The following MGAT5 variants were observed in gnomAD, a reference collection of about 807,000 sequenced individuals.
MGAT5 encodes the protein alpha-1,6-mannosylglycoprotein 6-beta-N-acetylglucosaminyltransferase.
MGAT5 carries 30 observed loss-of-function variants against 94.3 expected under a neutral mutation model. The ratio of observed to expected loss-of-function variants is 0.32; its 90% CI spans 0.24 to 0.43. The LOEUF is 0.43. Ranked by LOEUF, MGAT5 falls within the 20% of genes least tolerant of loss-of-function variation. The pLI is 1.00. For synonymous variants in MGAT5, 310 were observed against 322.9 expected, an observed-to-expected ratio of 0.96 and a Z score of 0.43; for missense variants, 691 against 905.5, an observed-to-expected ratio of 0.76 and a Z score of 3.04.
intron 10 of MGAT5, among the ~76,000 whole-genome samples, chr2:134,364,183 A>C (rs1161308249): frequency 6.6e-6 from 1 of 152,204 alleles, no homozygotes; most frequent in Admixed American, 6.5e-5. Context: ...ATTGCCACTA[A>C]AAGGGTGACT....
intron 8 of MGAT5, among the ~76,000 whole-genome samples, chr2:134,345,833 G>C (rs1329893066): frequency 6.6e-6 from 1 of 152,080 alleles, no homozygotes; most frequent in Non-Finnish European, 1.5e-5. Context: ...GCAGGCAAAA[G>C]TATCTATTCT....
chr2:134,260,490 A>C (rs1683253664), intron 1 of MGAT5, among the ~76,000 whole-genome samples: 2 of 152,212 alleles, frequency 1.3e-5, no homozygotes, highest in South Asian at 4.1e-4. Flanking sequence ...GCAGATCCAG[A>C]TAACGTTCTG....
At chr2:134,437,611 G>C (rs1866867) in intron 14 of MGAT5, among the ~76,000 whole-genome samples, 2 of 152,056 alleles carry the variant, frequency 1.3e-5, no homozygotes. Context: ...TAGATTTCCC[G>C]GTTGACTTAT....
intron 1 of MGAT5, among the ~76,000 whole-genome samples, chr2:134,130,625 T>C (rs1039288302): frequency 6.6e-5 from 10 of 151,828 alleles, no homozygotes; most frequent in African/African-American, 2.4e-4. Context: ...AACTTTTATG[T>C]CTAGCTAGAG....
chr2:134,135,562 C>T (rs151088139), intron 1 of MGAT5, among the ~76,000 whole-genome samples: 18,521 of 151,480 alleles, frequency 0.12, 1,240 homozygotes, highest in East Asian at 0.2. Context: ...CATAGTGGTA[C>T]GTGCCTGTAG....
In MGAT5 at chr2:134,262,849, A is replaced by G. The variant is rs77965633; in HGVS notation, c.242-7537A>G. On this transcript the variant is annotated intron_variant, in intron 1 of 15. Transcript: ENST00000281923. ...ACCTGTTTATGTAGCTATTCTTAGCATTTACAGGGGTAGAGCCTGACCAGA... is the reference window on the plus strand; with the variant it reads ...ACCTGTTTATGTAGCTATTCTTAGCGTTTACAGGGGTAGAGCCTGACCAGA... Among the ~76,000 whole-genome samples, 1,288 of 152,336 alleles carry G rather than the reference A, an allele frequency of 8.5e-3. 10 individuals are homozygous for G. The highest frequency in any genetic ancestry group is 0.013 in the Non-Finnish European group (917 of 68,022).
intron 9 of MGAT5, among the ~76,000 whole-genome samples, chr2:134,359,206 T>C (rs1679933554): frequency 6.6e-6 from 1 of 152,228 alleles, no homozygotes; most frequent in Admixed American, 6.5e-5. Flanking sequence ...TCTAGATCAC[T>C]CTTGTGTATT....
chr2:134,220,483 A>G (rs1049062370), intron 1 of MGAT5, among the ~76,000 whole-genome samples: 1 of 152,184 alleles, frequency 6.6e-6, no homozygotes, highest in African/African-American at 2.4e-5. Context: ...CGCCAGTGCC[A>G]GGAAATCTGC....
chr2:134,430,422 C>T (rs1181692923), intron 14 of MGAT5, among the ~76,000 whole-genome samples: 2 of 152,178 alleles, frequency 1.3e-5, no homozygotes, highest in East Asian at 3.9e-4. Flanking sequence ...CTAAATGCTC[C>T]ATAATGCAGA....
chr2:134,242,933 G>T (rs576073071), intron 1 of MGAT5, among the ~76,000 whole-genome samples: 19 of 151,954 alleles, frequency 1.3e-4, no homozygotes, highest in Non-Finnish European at 2.6e-4. Flanking sequence ...TGGCTACTCA[G>T]GCAGGGCATT....
chr2:134,157,753 G>T (rs1687542670), intron 1 of MGAT5, among the ~76,000 whole-genome samples: 1 of 152,000 alleles, frequency 6.6e-6, no homozygotes, highest in Non-Finnish European at 1.5e-5. Flanking sequence ...CTCATCTGGG[G>T]GTGATGGGAG....
Position 134,121,192 on chromosome 2 carries a change from G to A in MGAT5, c.-143+901G>A, listed in dbSNP as rs565164183. On this transcript the variant is annotated intron_variant, in intron 1 of 16. Transcript: ENST00000409645. Reference sequence around the variant, plus strand: ...TTGAGCTACGCGCACTGCTCTCCCCGGCTGCCCTCACAGCCGGGATTGGGG... The same window carrying A: ...TTGAGCTACGCGCACTGCTCTCCCCAGCTGCCCTCACAGCCGGGATTGGGG... Among the ~76,000 whole-genome samples the A allele has an allele frequency of 3.9e-4, 59 of 152,290 alleles. No individual in the cohort carries two copies. The South Asian group carries it at 9.5e-3, about 25-fold the overall frequency.
rs1686248574 is a variant in MGAT5 at position 134,454,197 on chromosome 2, A to G, written c.*5350A>G. 1 of 152,302 alleles carries G rather than the reference A, an allele frequency of 6.6e-6. No individual in the cohort carries two copies. The highest frequency in any genetic ancestry group is 2.4e-5 in the African/African-American group (1 of 41,438). The allele number at this position is 152,302 out of a possible 1,614,324, so 9.4% of individuals were successfully genotyped here. A position where few individuals can be genotyped will look rare whatever the true frequency, so the allele number is the denominator to read the frequency against. On this transcript the variant is annotated 3_prime_UTR_variant, in exon 16 of 16. Transcript: ENST00000281923. ...GGATGGCGGGGACGGGGTGGTGCTC[A>G]AAGGATCTGTGGTGCTGGAGGTCTA...
chr2:134,267,975 C>T (rs1049063776), intron 1 of MGAT5, among the ~76,000 whole-genome samples: 1 of 152,226 alleles, frequency 6.6e-6, no homozygotes, highest in African/African-American at 2.4e-5. Context: ...CCTAATTCAG[C>T]GGTTGTCAAA....
chr2:134,130,388 G>A (rs904483107), intron 1 of MGAT5, among the ~76,000 whole-genome samples: 11 of 152,266 alleles, frequency 7.2e-5, no homozygotes, highest in African/African-American at 2.2e-4. Flanking sequence ...AAGGGCTGAG[G>A]AATGCAGGCG....
At chr2:134,345,480 C>T (rs748914564) in intron 8 of MGAT5, among the ~76,000 whole-genome samples, 3 of 152,124 alleles carry the variant, frequency 2.0e-5, no homozygotes, top group Non-Finnish European at 2.9e-5. Context: ...TCTGGGAATA[C>T]GTTATCTGAA....
At chr2:134,351,729 A>G (rs1679394029) in intron 9 of MGAT5, among the ~76,000 whole-genome samples, 1 of 152,188 alleles carries the variant, frequency 6.6e-6, no homozygotes, top group Admixed American at 6.5e-5. Context: ...ATGCTTGACT[A>G]TATTTTAAAA....
chr2:134,356,946 A>G (rs771881158), intron 9 of MGAT5, among the ~76,000 whole-genome samples: 3 of 151,728 alleles, frequency 2.0e-5, no homozygotes, highest in Non-Finnish European at 4.4e-5. Context: ...TCCCTGCTTT[A>G]TTTTCCTCCA....
At chr2:134,393,793 T>C (rs1363740545) in intron 10 of MGAT5, among the ~76,000 whole-genome samples, 1 of 152,206 alleles carries the variant, frequency 6.6e-6, no homozygotes, top group East Asian at 1.9e-4. Context: ...GGTGGCCTGG[T>C]CTCATGTTTT....
Sources: allele counts gnomAD v4.1 joint callset (sites outside exome capture counted in the v4.1 genomes callset), GRCh38; gene constraint gnomAD v4.1.1; transcripts MANE v1.5; gene names NCBI Gene and HGNC (gene_info 2026-07-23, HGNC 2026-07-21).